The following MEI1 variants were observed in gnomAD, a reference collection of about 807,000 sequenced individuals.
MEI1 encodes the protein meiosis inhibitor protein 1.
Under a neutral mutation model 146.2 loss-of-function variants are expected in MEI1, and 103 were observed. The observed-to-expected ratio is 0.70, with a 90% CI of 0.60 to 0.83. The LOEUF is 0.83. Ranked by LOEUF, MEI1 falls within the 40% of genes least tolerant of loss-of-function variation. MEI1 has a pLI of 0.00. For synonymous variants in MEI1, 652 were observed against 628.2 expected, an observed-to-expected ratio of 1.04 and a Z score of -0.57; for missense variants, 1,529 against 1,533.0, an observed-to-expected ratio of 1.00 and a Z score of 0.04.
In MEI1 at chr22:41,705,614, C is replaced by G. The variant is rs1181183504; in HGVS notation, c.349+60C>G. 18 of 1,485,018 alleles carry G rather than the reference C, an allele frequency of 1.2e-5. No individual in the cohort carries two copies. In the South Asian group the frequency reaches 1.7e-4, roughly 14 times the overall value. The allele number at this position is 1,485,018 out of a possible 1,614,324, so 92.0% of individuals were successfully genotyped here. On this transcript the variant is annotated intron_variant, in intron 3 of 30. Coordinates refer to ENST00000401548, the MANE Select transcript of MEI1 (RefSeq NM_152513.4). The stretch of plus-strand genomic sequence containing the variant: ...GAAAGTATTAGTCTGAATTGCAGCT[C>G]TGGTTACTTGAGACCTTGGCGAAAT...
Position 41,799,398 on chromosome 22 carries a change from TGGA to T in MEI1, c.*101_*103del. 1 of 1,128,558 alleles carries T rather than the reference TGGA, an allele frequency of 8.9e-7. No homozygotes were observed. Among genetic ancestry groups the T allele is most frequent in the Non-Finnish European group, 1.3e-6 (1 of 751,288 alleles). 69.9% of individuals were successfully genotyped at this position (1,128,558 alleles called of 1,614,324 possible). On this transcript the variant is annotated 3_prime_UTR_variant, in exon 31 of 31. Coordinates refer to ENST00000401548, the MANE Select transcript of MEI1 (RefSeq NM_152513.4). ...TGGATGACAGCTGAAGCTATTCATA[TGGA>T]GCCATATACTCTATTGTTGAAATAG...
chr22:41,712,896 C>T (rs1242978588), intron 3 of MEI1, among the ~76,000 whole-genome samples: 1 of 150,400 alleles, frequency 6.6e-6, no homozygotes, highest in Non-Finnish European at 1.5e-5. Flanking sequence ...ACAAACTCCA[C>T]CTCCCAGATT....
chr22:41,725,476 G>T (rs73161369), intron 7 of MEI1, among the ~76,000 whole-genome samples: 2,465 of 152,248 alleles, frequency 0.016, 50 homozygotes, highest in Admixed American at 0.058. Context: ...AATACTTACA[G>T]CAATAGAAAC....
At chr22:41,721,845 C>T (rs1022591192) in intron 6 of MEI1, among the ~76,000 whole-genome samples, 12 of 150,428 alleles carry the variant, frequency 8.0e-5, no homozygotes, top group Admixed American at 2.7e-4. Flanking sequence ...CACAGCCTCC[C>T]GAGTAGCTGG....
chr22:41,758,476 G>A lies in MEI1; in HGVS notation c.2063G>A (p.Arg688His), dbSNP rs779589520. ...CGCCAGTACATGGAGGGAGCTGCTCGCCAGAGACAGTACTGCATCCTGCTC... is the reference window on the plus strand; with the variant it reads ...CGCCAGTACATGGAGGGAGCTGCTCACCAGAGACAGTACTGCATCCTGCTC... ...SDRQYMEGAA[R>H]QRQYCILLLF... Residue 688 changes from arginine to histidine, a missense_variant, in exon 18 of 31, where the codon CGC becomes CAC. Physicochemically the swap from Arg to His is conservative, Grantham distance 29. Transcript: ENST00000401548. The A allele has an allele frequency of 5.0e-6, 8 of 1,613,668 alleles. No individual in the cohort carries two copies. Among genetic ancestry groups the A allele is most frequent in the Admixed American group, 3.3e-5 (2 of 59,972 alleles).
Position 41,778,725 on chromosome 22 carries a change from T to C in MEI1, c.2728T>C (p.Leu910=). Residue 910 remains leucine (L), a synonymous_variant, in exon 22 of 31, where the codon TTG becomes CTG. Coordinates refer to ENST00000401548, the MANE Select transcript of MEI1 (RefSeq NM_152513.4). Reference sequence around the variant, plus strand: ...CTTCACAGCCTCGGGGAACCTACCATTGCTGCTGAGCCTCCTCTCCCTGAT... The same window carrying C: ...CTTCACAGCCTCGGGGAACCTACCACTGCTGCTGAGCCTCCTCTCCCTGAT... The part of the protein sequence containing the change: ...SPSGASGNLP[L]LLSLLSLMQL... 1.2e-6 allele frequency: 2 copies of C among 1,606,136 alleles called. No homozygotes were observed. Among genetic ancestry groups the C allele is most frequent in the African/African-American group, 2.7e-5 (2 of 74,850 alleles).
chr22:41,781,183 C>A, intron 22 of MEI1, 101 bp from the exon 23 acceptor site: 3 of 784,910 alleles, frequency 3.8e-6, no homozygotes, highest in Non-Finnish European at 4.3e-6. Flanking sequence ...TTTGTGCTTG[C>A]TCCCCAAGAC....
chr22:41,709,227 C>A, intron 3 of MEI1: 2 of 868,774 alleles, frequency 2.3e-6, no homozygotes, highest in Non-Finnish European at 3.9e-6. Context: ...CTTCACTTGG[C>A]ATCTCCAGCA....
intron 15 of MEI1, 134 bp from the exon 16 acceptor site, chr22:41,752,457 A>T: frequency 1.3e-6 from 1 of 769,240 alleles, no homozygotes; most frequent in East Asian, 2.7e-5. Context: ...AAACTACTAG[A>T]CAGTGGTGGA....
intron 6 of MEI1, among the ~76,000 whole-genome samples, chr22:41,721,101 G>C (rs1048901000): frequency 2.0e-5 from 3 of 150,000 alleles, no homozygotes; most frequent in African/African-American, 7.4e-5. Flanking sequence ...TTTTAGTAGA[G>C]ATGGGGTTTC....
chr22:41,759,793 C>T (rs550536727), intron 18 of MEI1, among the ~76,000 whole-genome samples: 1 of 152,212 alleles, frequency 6.6e-6, no homozygotes, highest in South Asian at 2.1e-4. Context: ...CATGCCACTG[C>T]ACTCCAGCCT....
chr22:41,757,446 C>A (rs908291965), intron 17 of MEI1, among the ~76,000 whole-genome samples: 4 of 152,092 alleles, frequency 2.6e-5, no homozygotes, highest in African/African-American at 9.7e-5. Flanking sequence ...CAACCTCTGC[C>A]TCCCAGGTTC....
chr22:41,716,995 A>G (rs1314705047), intron 5 of MEI1, among the ~76,000 whole-genome samples: 2 of 151,692 alleles, frequency 1.3e-5, no homozygotes, highest in Admixed American at 1.3e-4. Flanking sequence ...GGCTCCATTC[A>G]TTCTTTAACA....
At chr22:41,734,364 G>A (rs1235422012) in intron 11 of MEI1, among the ~76,000 whole-genome samples, 1 of 151,904 alleles carries the variant, frequency 6.6e-6, no homozygotes, top group Non-Finnish European at 1.5e-5. Flanking sequence ...AGGCTGAGGC[G>A]GGCCAATTAC....
At chr22:41,784,861 A>C (rs2075897661) in intron 26 of MEI1, 78 bp downstream of exon 26, 2 of 1,210,790 alleles carry the variant, frequency 1.7e-6, no homozygotes, top group Non-Finnish European at 2.2e-6. Context: ...AGAGCCTGAT[A>C]CTCCTACCAG....
At chr22:41,760,365 C>T (rs538104581) in intron 18 of MEI1, among the ~76,000 whole-genome samples, 5 of 151,566 alleles carry the variant, frequency 3.3e-5, no homozygotes, top group East Asian at 1.9e-4. Context: ...AAAAATCATC[C>T]GGGCGTGGTG....
chr22:41,709,911 G>C (rs972941227), intron 3 of MEI1, among the ~76,000 whole-genome samples: 1 of 152,058 alleles, frequency 6.6e-6, no homozygotes, highest in South Asian at 2.1e-4. Context: ...TAGGAACTAA[G>C]ATCTTTAGCA....
At chr22:41,756,374 C>T (rs372921299) in intron 17 of MEI1, among the ~76,000 whole-genome samples, 1 of 150,388 alleles carries the variant, frequency 6.6e-6, no homozygotes, top group South Asian at 2.1e-4. Flanking sequence ...TGGCCTCAAA[C>T]AATCTACCTG....
At chr22:41,748,289 A>G in intron 15 of MEI1, 71 bp downstream of exon 15, 1 of 984,154 alleles carries the variant, frequency 1.0e-6, no homozygotes. Context: ...GAGTATTCAA[A>G]GAGAGGATAA....
Sources: allele counts gnomAD v4.1 joint callset (sites outside exome capture counted in the v4.1 genomes callset), GRCh38; gene constraint gnomAD v4.1.1; transcripts MANE v1.5; gene names NCBI Gene and HGNC (gene_info 2026-07-23, HGNC 2026-07-21).